The following CRPPA variants were observed in gnomAD, a reference collection of about 807,000 sequenced individuals.
CRPPA encodes D-ribitol-5-phosphate cytidylyltransferase.
CRPPA carries 43 observed loss-of-function variants against 52.0 expected under a neutral mutation model. The ratio of observed to expected loss-of-function variants is 0.83; its 90% CI spans 0.65 to 1.07. The LOEUF (loss-of-function observed/expected upper bound fraction) is 1.07, where lower values mean the gene tolerates loss of function less well. Among genes scored for constraint, CRPPA ranks in the 50% least tolerant of loss-of-function variants. The pLI, the probability that CRPPA is intolerant of heterozygous loss-of-function variation, is 0.00. For synonymous variants in CRPPA, 250 were observed against 203.5 expected, an observed-to-expected ratio of 1.23 and a Z score of -1.94; for missense variants, 629 against 551.7, an observed-to-expected ratio of 1.14 and a Z score of -1.40.
At chr7:16,190,260 CT>C (rs1781581164) in intron 9 of CRPPA, among the ~76,000 whole-genome samples, 1 of 152,150 alleles carries the variant, frequency 6.6e-6, no homozygotes, top group African/African-American at 2.4e-5. Context: ...CCAGGCAGAG[CT>C]AAACTAGAAA....
intron 9 of CRPPA, among the ~76,000 whole-genome samples, chr7:16,170,717 C>T (rs2128385133): frequency 6.6e-6 from 1 of 152,254 alleles, no homozygotes; most frequent in Middle Eastern, 3.4e-3. Flanking sequence ...GGTCCCGAGC[C>T]CTGCCCTGCA....
intron 2 of CRPPA, among the ~76,000 whole-genome samples, chr7:16,383,743 C>T (rs546667177): frequency 6.6e-6 from 1 of 152,362 alleles, no homozygotes; most frequent in East Asian, 1.9e-4. Flanking sequence ...GCAGTTTGAT[C>T]TCAGACTGCT....
chr7:16,122,160 T>C (rs567295743), intron 9 of CRPPA, among the ~76,000 whole-genome samples: 34 of 152,178 alleles, frequency 2.2e-4, no homozygotes, highest in African/African-American at 7.5e-4. Flanking sequence ...TAAAGAATAA[T>C]TTAGCTGTTA....
At chr7:16,145,869 G>A (rs1782964702) in intron 9 of CRPPA, among the ~76,000 whole-genome samples, 1 of 152,058 alleles carries the variant, frequency 6.6e-6, no homozygotes, top group African/African-American at 2.4e-5. Flanking sequence ...AGCACCAAAA[G>A]AAGCAGAGAA....
chr7:16,198,556 A>G (rs1184373848), intron 9 of CRPPA, among the ~76,000 whole-genome samples: 1 of 127,502 alleles, frequency 7.8e-6, no homozygotes, highest in Non-Finnish European at 1.6e-5. Context: ...GATCCTCCAT[A>G]TGCTGAACGC....
At chr7:16,388,271 T>C (rs914116376) in intron 2 of CRPPA, among the ~76,000 whole-genome samples, 5 of 151,992 alleles carry the variant, frequency 3.3e-5, no homozygotes, top group African/African-American at 1.2e-4. Flanking sequence ...CAGCCAAAGT[T>C]GGGAATTTAA....
chr7:16,117,368 T>A (rs1363815575), intron 9 of CRPPA, among the ~76,000 whole-genome samples: 2 of 152,214 alleles, frequency 1.3e-5, no homozygotes, highest in African/African-American at 4.8e-5. Flanking sequence ...TGTGGAACTC[T>A]GGGTAGACGA....
chr7:16,322,610 T>A (rs564452909), intron 3 of CRPPA, among the ~76,000 whole-genome samples: 1 of 152,300 alleles, frequency 6.6e-6, no homozygotes, highest in Non-Finnish European at 1.5e-5. Context: ...GAATAATCAC[T>A]ATTTTTAGGG....
intron 8 of CRPPA, among the ~76,000 whole-genome samples, chr7:16,239,136 T>TAAAAAAAAAAAAAAA (rs1783031690): frequency 9.4e-5 from 1 of 10,694 alleles, no homozygotes; most frequent in Non-Finnish European, 1.8e-4. Flanking sequence ...AGACTCTGTC[T>TAAAAAAAAAAAAAAA]CAAAAAAAAA....
chr7:16,138,964 G>C (rs576503176), intron 9 of CRPPA, among the ~76,000 whole-genome samples: 25 of 152,166 alleles, frequency 1.6e-4, no homozygotes, highest in African/African-American at 5.5e-4. Flanking sequence ...ACCACACCCA[G>C]CTAATTTTTG....
intron 9 of CRPPA, among the ~76,000 whole-genome samples, chr7:16,203,931 C>A (rs1371524481): frequency 6.6e-6 from 1 of 152,110 alleles, no homozygotes; most frequent in Non-Finnish European, 1.5e-5. Context: ...AACAAATCTA[C>A]ATAAAGATTT....
At chr7:16,166,811 T>G (rs1278805250) in intron 9 of CRPPA, among the ~76,000 whole-genome samples, 1 of 152,122 alleles carries the variant, frequency 6.6e-6, no homozygotes, top group Non-Finnish European at 1.5e-5. Context: ...ACATCCTACT[T>G]CTGCCTACCC....
chr7:16,392,808 A>C (rs1345042989), intron 2 of CRPPA, among the ~76,000 whole-genome samples: 1 of 151,974 alleles, frequency 6.6e-6, no homozygotes, highest in Non-Finnish European at 1.5e-5. Flanking sequence ...CCTCTCATAC[A>C]CCCAGCCTCC....
intron 3 of CRPPA, among the ~76,000 whole-genome samples, chr7:16,359,492 G>A (rs888945069): frequency 1.3e-5 from 2 of 152,172 alleles, no homozygotes; most frequent in African/African-American, 2.4e-5. Flanking sequence ...AGTTTTAACT[G>A]TCTGTTATGT....
intron 6 of CRPPA, chr7:16,261,862 T>A (rs1161393530): frequency 6.6e-6 from 1 of 152,132 alleles, no homozygotes; most frequent in Non-Finnish European, 1.5e-5. Context: ...GCATAGTTGT[T>A]ACATTTGAGG....
intron 3 of CRPPA, among the ~76,000 whole-genome samples, chr7:16,312,246 C>A (rs1173141365): frequency 1.3e-5 from 2 of 151,944 alleles, no homozygotes; most frequent in African/African-American, 2.4e-5. Context: ...GTCTTCTTAT[C>A]CACAAACATG....
At chr7:16,254,804 A>AGAAG (rs1189520283) in intron 8 of CRPPA, among the ~76,000 whole-genome samples, 11 of 134,812 alleles carry the variant, frequency 8.2e-5, no homozygotes, top group South Asian at 6.8e-4. Context: ...AAAGAAAGAA[A>AGAAG]GAAAGAAAGA....
rs184621356 is a variant in CRPPA, at chr7:16,238,183, G to C, written c.1119+20207C>G. Among the ~76,000 whole-genome samples, 21 of 152,160 alleles carry C rather than the reference G, an allele frequency of 1.4e-4. No individual in the cohort carries two copies. In the East Asian group the frequency reaches 4.1e-3, roughly 29 times the overall value. On this transcript the variant is annotated intron_variant, in intron 8 of 9. Transcript: ENST00000407010. ...TAATATATAATAACCTGGAAAATTA[G>C]CTTATATAGAATATTTCAGAAATCT...
chr7:16,150,054 T>G (rs1360088349), intron 9 of CRPPA, among the ~76,000 whole-genome samples: 1 of 152,062 alleles, frequency 6.6e-6, no homozygotes, highest in Non-Finnish European at 1.5e-5. Flanking sequence ...GCTTATTTTT[T>G]TAACCTCATT....
Sources: allele counts gnomAD v4.1 joint callset (sites outside exome capture counted in the v4.1 genomes callset), GRCh38; gene constraint gnomAD v4.1.1; transcripts MANE v1.5; gene names NCBI Gene and HGNC (gene_info 2026-07-23, HGNC 2026-07-21).